Variants in KIFAP3 observed in about 807,000 individuals in gnomAD.
The protein encoded by KIFAP3 is kinesin-associated protein 3.
Under a neutral mutation model 106.5 loss-of-function variants are expected in KIFAP3, and 68 were observed. The ratio of observed to expected loss-of-function variants is 0.64; its 90% confidence interval spans 0.53 to 0.78. KIFAP3 has a LOEUF of 0.78. KIFAP3 is among the 30% of genes least tolerant of loss of function. The pLI is 0.00. For synonymous variants in KIFAP3, 320 were observed against 311.5 expected, an observed-to-expected ratio of 1.03 and a Z score of -0.29; for missense variants, 780 against 941.8, an observed-to-expected ratio of 0.83 and a Z score of 2.25.
chr1:169,991,174 T>C (rs1206011964), intron 11 of KIFAP3, among the ~76,000 whole-genome samples: 2 of 151,768 alleles, frequency 1.3e-5, no homozygotes, highest in Non-Finnish European at 2.9e-5. Context: ...ACCCTGTCTG[T>C]ATAAAAAATA....
chr1:169,954,089 C>T lies in KIFAP3; in HGVS notation c.2195G>A (p.Gly732Glu). Residue 732 changes from glycine (G) to glutamate (E), a missense_variant, in exon 19 of 20, where the codon GGA becomes GAA. Coordinates refer to ENST00000361580, the MANE Select transcript of KIFAP3 (RefSeq NM_014970.4). ...YNSDGLIASE[G>E]AISPDFFNDY... Reference sequence around the variant, plus strand: ...ATTGAAGAAATCGGGACTTATGGCTCCTTCAGAGGCAATTAATCCATCTAG... The same window carrying T: ...ATTGAAGAAATCGGGACTTATGGCTTCTTCAGAGGCAATTAATCCATCTAG... The T allele has an allele frequency of 6.2e-7, 1 of 1,611,140 alleles. No individual in the cohort carries two copies. Among genetic ancestry groups the T allele is most frequent in the African/African-American group, 1.3e-5 (1 of 74,878 alleles).
Position 170,041,888 on chromosome 1 carries a change from A to G in KIFAP3, c.320-2600T>C, listed in dbSNP as rs1466583673. 3 of 1,361,910 alleles carry G rather than the reference A, an allele frequency of 2.2e-6. No homozygotes were observed. The Admixed American group carries it at 8.5e-5, about 39-fold the overall frequency. 84.4% of individuals were successfully genotyped at this position (1,361,910 alleles called of 1,614,324 possible). A position where few individuals can be genotyped will look rare whatever the true frequency, so the allele number is the denominator to read the frequency against. ...GGGGAATTTCCCCAACTGGAAGGAG[A>G]ATAAAGGGCAACATTTGGGGGAAGT... is the stretch of plus-strand genomic sequence containing the variant. On this transcript the variant is annotated intron_variant, in intron 3 of 19. Transcript: ENST00000361580.
At position 169,939,041 on chromosome 1, in the gene KIFAP3, C is replaced by T. The variant is rs576564593; in HGVS notation, c.2273+14970G>A. Among the ~76,000 whole-genome samples the T allele has an allele frequency of 3.3e-5, 5 of 152,174 alleles. No individual in the cohort carries two copies. In the South Asian group the frequency reaches 1.0e-3, roughly 32 times the overall value. ...ATGGTAAGAAATTTGTATTTTATTA[C>T]AGGAGTATGGGAAGCCATTGAAGGC... On this transcript the variant is annotated intron_variant, in intron 19 of 19. Coordinates refer to ENST00000361580, the MANE Select transcript of KIFAP3 (RefSeq NM_014970.4).
At position 169,921,621 on chromosome 1, in the gene KIFAP3, C is replaced by A; in HGVS notation, c.*55G>T. ...TATTAGGCAAAGATCCAAAATTAAC[C>A]CAACCCACACAGATTTCTTCTAAGC... On this transcript the variant is annotated 3_prime_UTR_variant, in exon 20 of 20. Coordinates refer to ENST00000361580, the MANE Select transcript of KIFAP3 (RefSeq NM_014970.4). 1 of 1,396,756 alleles carries A rather than the reference C, an allele frequency of 7.2e-7. No individual in the cohort carries two copies. The highest frequency in any genetic ancestry group is 2.3e-5 in the East Asian group (1 of 42,952). The allele number at this position is 1,396,756 out of a possible 1,614,324, so 86.5% of individuals were successfully genotyped here.
At chr1:170,077,809 G>A (rs538755615), upstream of KIFAP3, among the ~76,000 whole-genome samples, 51 of 151,860 alleles carry the variant, frequency 3.4e-4, no homozygotes, top group African/African-American at 9.7e-4. Flanking sequence ...AATGATAGGC[G>A]CTGTAGCCTT....
chr1:170,058,955 T>G (rs1670991864), intron 1 of KIFAP3, among the ~76,000 whole-genome samples: 1 of 151,174 alleles, frequency 6.6e-6, no homozygotes, highest in Admixed American at 6.6e-5. Flanking sequence ...GAAATAAAGA[T>G]GTTCTTTAAA....
intron 9 of KIFAP3, among the ~76,000 whole-genome samples, chr1:170,020,737 A>C (rs918062245): frequency 2.0e-5 from 3 of 151,518 alleles, no homozygotes; most frequent in Non-Finnish European, 3.0e-5. Context: ...TCAATAAGGT[A>C]CAAAAGCAAT....
rs150280546 is a variant in KIFAP3, at chr1:170,023,767, T to C, written c.1020+651A>G. 7.6e-3 allele frequency among the ~76,000 whole-genome samples: 1,152 copies of C among 152,142 alleles called. 12 individuals carry two copies. The highest frequency in any genetic ancestry group is 0.026 in the African/African-American group (1,090 of 41,552). On this transcript the variant is annotated intron_variant, in intron 9 of 19. Transcript: ENST00000361580. ...TATGTATATTCTACACAGGTGAAAA[T>C]GATATATGCTCAACTTGTATTTTCC...
At chr1:170,058,134 T>C (rs1670942580) in intron 1 of KIFAP3, among the ~76,000 whole-genome samples, 2 of 152,182 alleles carry the variant, frequency 1.3e-5, no homozygotes, top group Admixed American at 6.5e-5. Context: ...AGAGATATTA[T>C]TGTGACCCTT....
intron 11 of KIFAP3, among the ~76,000 whole-genome samples, chr1:169,990,715 A>C (rs1463483006): frequency 6.6e-6 from 1 of 152,064 alleles, no homozygotes; most frequent in Non-Finnish European, 1.5e-5. Context: ...TATAACATAC[A>C]GTCCATGTTA....
At chr1:169,933,057 G>T (rs1235075042) in intron 19 of KIFAP3, among the ~76,000 whole-genome samples, 1 of 151,894 alleles carries the variant, frequency 6.6e-6, no homozygotes, top group Non-Finnish European at 1.5e-5. Flanking sequence ...ATAGATAATA[G>T]AAATTATATT....
chr1:169,977,833 G>C (rs1666308370), intron 16 of KIFAP3, among the ~76,000 whole-genome samples: 1 of 152,068 alleles, frequency 6.6e-6, no homozygotes, highest in South Asian at 2.1e-4. Context: ...AGAGAAGGAA[G>C]TTCTGATATG....
chr1:169,953,717 C>T (rs867530752), intron 19 of KIFAP3, among the ~76,000 whole-genome samples: 13 of 152,062 alleles, frequency 8.5e-5, no homozygotes, highest in Non-Finnish European at 1.6e-4. Context: ...GGTTTCACCG[C>T]GTTAGCCAGG....
At chr1:169,927,473 T>G (rs1389863316) in intron 19 of KIFAP3, among the ~76,000 whole-genome samples, 1 of 152,230 alleles carries the variant, frequency 6.6e-6, no homozygotes, top group Non-Finnish European at 1.5e-5. Context: ...TAGAAAGTCT[T>G]CATACAAAAT....
In KIFAP3 at chr1:170,074,468, G is replaced by GGCGGCAGCGGCA. The variant is rs202015317; in HGVS notation, c.-13_-2dup. The GGCGGCAGCGGCA allele has an allele frequency of 1.2e-6, 2 of 1,614,012 alleles. No homozygotes were observed. The highest frequency in any genetic ancestry group is 1.7e-6 in the Non-Finnish European group (2 of 1,179,940). ...GGTATCTGGCGTCCTCCCCTTGCAT[G>GGCGGCAGCGGCA]GCGGCAGCGGCAGCGGCGTGGAGAG... On this transcript the variant is annotated 5_prime_UTR_variant, in exon 1 of 20. Transcript: ENST00000361580.
chr1:169,994,452 A>G (rs955668516), intron 10 of KIFAP3, among the ~76,000 whole-genome samples: 2 of 152,200 alleles, frequency 1.3e-5, no homozygotes, highest in South Asian at 4.1e-4. Context: ...TGTTTTAAAA[A>G]TATACTGCTT....
chr1:170,025,522 C>A (rs886802907), intron 8 of KIFAP3, among the ~76,000 whole-genome samples: 10 of 151,950 alleles, frequency 6.6e-5, no homozygotes, highest in African/African-American at 2.2e-4. Context: ...ATTTATTTAA[C>A]AAATATTAGA....
At chr1:170,035,289 A>C (rs1176145956) in intron 6 of KIFAP3, among the ~76,000 whole-genome samples, 165 bp downstream of exon 6, 1 of 152,068 alleles carries the variant, frequency 6.6e-6, no homozygotes, top group Non-Finnish European at 1.5e-5. Flanking sequence ...AGAATAACAG[A>C]TAGCAAGACA....
intron 3 of KIFAP3, among the ~76,000 whole-genome samples, chr1:170,040,961 G>A (rs992988496): frequency 1.3e-5 from 2 of 151,886 alleles, no homozygotes; most frequent in African/African-American, 4.8e-5. Flanking sequence ...GAGTAGCTGG[G>A]ATCACAGGCG....
Sources: allele counts gnomAD v4.1 joint callset (sites outside exome capture counted in the v4.1 genomes callset), GRCh38; gene constraint gnomAD v4.1.1; transcripts MANE v1.5; gene names NCBI Gene and HGNC (gene_info 2026-07-23, HGNC 2026-07-21).